Variants in FGF10 observed in about 807,000 individuals in gnomAD.
FGF10 encodes fibroblast growth factor 10.
Under a neutral mutation model 19.8 loss-of-function variants are expected in FGF10, and 2 were observed. The observed-to-expected ratio is 0.10, with a 90% CI of 0.04 to 0.32. The LOEUF is 0.32. Ranked by LOEUF, FGF10 falls within the 10% of genes least tolerant of loss-of-function variation. The pLI, the probability that FGF10 is intolerant of heterozygous loss-of-function variation, is 1.00. For synonymous variants in FGF10, 112 were observed against 94.0 expected (o/e 1.19, Z -1.10); for missense variants, 191 against 246.3 (o/e 0.78, Z 1.50).
At chr5:44,346,811 A>G (rs997504695) in intron 1 of FGF10, among the ~76,000 whole-genome samples, 2 of 151,870 alleles carry the variant, frequency 1.3e-5, no homozygotes, top group African/African-American at 4.8e-5. Context: ...TATGACTAAT[A>G]ATATTGAGAA....
chr5:44,376,222 G>T (rs1283882230), intron 1 of FGF10, among the ~76,000 whole-genome samples: 2 of 151,770 alleles, frequency 1.3e-5, no homozygotes, highest in Non-Finnish European at 2.9e-5. Flanking sequence ...AAGATGCAGA[G>T]ACCAAGACCC....
chr5:44,357,233 C>CA (rs1351028186), intron 1 of FGF10, among the ~76,000 whole-genome samples: 3 of 151,354 alleles, frequency 2.0e-5, no homozygotes, highest in African/African-American at 7.3e-5. Flanking sequence ...GGGGCCATAC[C>CA]AGTGATCTAC....
At position 44,325,665 on chromosome 5, in the gene FGF10, C is replaced by G. The variant is rs143634748; in HGVS notation, c.326-15135G>C. Among the ~76,000 whole-genome samples, 1,244 of 146,416 alleles carry G rather than the reference C, an allele frequency of 8.5e-3. 18 individuals carry two copies. Among genetic ancestry groups the G allele is most frequent in the African/African-American group, 0.031 (1,205 of 39,476 alleles). On this transcript the variant is annotated intron_variant, in intron 1 of 2. Transcript: ENST00000264664. ...AAACCAAACACTGCATGTTCTCACT[C>G]ATAGGTGGGAATTGAACAATGAGAA...
rs996171581 is a variant in FGF10, at chr5:44,303,374, T to A, written c.*1621A>T. Among the ~76,000 whole-genome samples, 1 of 151,394 alleles carries A rather than the reference T, an allele frequency of 6.6e-6. No individual in the cohort carries two copies. The highest frequency in any genetic ancestry group is 2.1e-4 in the South Asian group (1 of 4,752). On this transcript the variant is annotated 3_prime_UTR_variant, in exon 3 of 3. Coordinates refer to ENST00000264664, the MANE Select transcript of FGF10 (RefSeq NM_004465.2). Reference sequence around the variant, plus strand: ...TTTAGTAAGACACATTTAGTGAGTCTTTTTTTTTGTACCAAAATACTGTGT... The same window carrying A: ...TTTAGTAAGACACATTTAGTGAGTCATTTTTTTTGTACCAAAATACTGTGT...
At chr5:44,366,335 T>G (rs1425035615) in intron 1 of FGF10, among the ~76,000 whole-genome samples, 2 of 151,844 alleles carry the variant, frequency 1.3e-5, no homozygotes, top group African/African-American at 4.8e-5. Context: ...AAATTTTTTT[T>G]AAAGGCATCC....
At position 44,305,050 on chromosome 5, in the gene FGF10, T is replaced by C; in HGVS notation, c.572A>G (p.Lys191Arg). Residue 191 changes from lysine to arginine, a missense_variant, in exon 3 of 3, where the codon AAA becomes AGA. Lys to Arg is a conservative substitution (Grantham distance 26). This residue lies in a region of FGF10 where 99 missense variants were observed against 161.7 expected (regional missense o/e 0.61). Transcript: ENST00000264664. ...NGKGAPRRGQ[K>R]TRRKNTSAHF... is the part of the protein sequence containing the mutation. ...AGCAGAGGTGTTTTTCCTTCGTGTT[T>C]TCTGTCCTCTCCTTGGAGCTCCTTT... 6.2e-7 allele frequency: 1 copy of C among 1,614,012 alleles called. No homozygotes were observed. Among genetic ancestry groups the C allele is most frequent in the Non-Finnish European group, 8.5e-7 (1 of 1,179,912 alleles).
intron 1 of FGF10, among the ~76,000 whole-genome samples, chr5:44,353,382 G>A (rs1198150935): frequency 6.6e-6 from 1 of 151,370 alleles, no homozygotes; most frequent in Non-Finnish European, 1.5e-5. Flanking sequence ...CAATAAGCTT[G>A]GAGCTAAATG....
At chr5:44,378,343 T>C (rs890335992) in intron 1 of FGF10, among the ~76,000 whole-genome samples, 1 of 152,212 alleles carries the variant, frequency 6.6e-6, no homozygotes, top group Non-Finnish European at 1.5e-5. Context: ...GCTCAATCTG[T>C]TTCTTCTACC....
Position 44,303,866 on chromosome 5 carries a change from G to C in FGF10, c.*1129C>G, listed in dbSNP as rs911866866. On this transcript the variant is annotated 3_prime_UTR_variant, in exon 3 of 3. Coordinates refer to ENST00000264664, the MANE Select transcript of FGF10 (RefSeq NM_004465.2). ...AGATGCATTATGTGGAATTTACAGA[G>C]GGTTTTTAGAGATGTGGACAGCCTC... 1 of 152,288 alleles carries C rather than the reference G, an allele frequency of 6.6e-6. No homozygotes were observed. The highest frequency in any genetic ancestry group is 1.9e-4 in the East Asian group (1 of 5,180). The allele number at this position is 152,288 out of a possible 1,614,324, so 9.4% of individuals were successfully genotyped here.
intron 1 of FGF10, among the ~76,000 whole-genome samples, chr5:44,319,326 A>C (rs1740428058): frequency 6.6e-6 from 1 of 152,196 alleles, no homozygotes; most frequent in Non-Finnish European, 1.5e-5. Context: ...ATTGCTATAA[A>C]CTGTCTACCA....
rs1236595674 is a variant in FGF10 at position 44,303,392 on chromosome 5, T to C, written c.*1603A>G. Among the ~76,000 whole-genome samples, 2 of 152,130 alleles carry C rather than the reference T, an allele frequency of 1.3e-5. No homozygotes were observed. Among genetic ancestry groups the C allele is most frequent in the African/African-American group, 4.8e-5 (2 of 41,450 alleles). ...GTGAGTCTTTTTTTTTGTACCAAAA[T>C]ACTGTGTCCAAACAATAAAATGCTT... On this transcript the variant is annotated 3_prime_UTR_variant, in exon 3 of 3. Coordinates refer to ENST00000264664, the MANE Select transcript of FGF10 (RefSeq NM_004465.2).
chr5:44,314,266 C>A (rs1226252794), intron 1 of FGF10, among the ~76,000 whole-genome samples: 1 of 152,054 alleles, frequency 6.6e-6, no homozygotes, highest in Non-Finnish European at 1.5e-5. Flanking sequence ...GATAATGAGA[C>A]TCAGTTTAGT....
chr5:44,315,455 G>C (rs934995836), intron 1 of FGF10, among the ~76,000 whole-genome samples: 1 of 152,184 alleles, frequency 6.6e-6, no homozygotes, highest in East Asian at 1.9e-4. Context: ...GGCACTTTGA[G>C]GTGGCCACTA....
chr5:44,306,654 G>A (rs993663781), intron 2 of FGF10, among the ~76,000 whole-genome samples: 26 of 152,066 alleles, frequency 1.7e-4, no homozygotes, highest in African/African-American at 6.3e-4. Flanking sequence ...GGTGTCTGTA[G>A]GATTTATCAC....
rs1470859941 is a variant in FGF10 at position 44,304,063 on chromosome 5, G to A, written c.*932C>T. ...TATTTCTTGAGACAGGAAGCCTCGAGAGTAATATATGTTTTCAAATGATAG... is the reference window on the plus strand; with the variant it reads ...TATTTCTTGAGACAGGAAGCCTCGAAAGTAATATATGTTTTCAAATGATAG... On this transcript the variant is annotated 3_prime_UTR_variant, in exon 3 of 3. Transcript: ENST00000264664. 6.6e-6 allele frequency: 1 copy of A among 152,090 alleles called. No homozygotes were observed. Among genetic ancestry groups the A allele is most frequent in the Admixed American group, 6.6e-5 (1 of 15,256 alleles). The allele number at this position is 152,090 out of a possible 1,614,324, so 9.4% of individuals were successfully genotyped here.
Position 44,376,595 on chromosome 5 carries a change from C to A in FGF10, c.325+11763G>T, listed in dbSNP as rs534496239. Among the ~76,000 whole-genome samples, 37 of 144,292 alleles carry A rather than the reference C, an allele frequency of 2.6e-4. 1 individual carries two copies. The highest frequency in any genetic ancestry group is 9.3e-4 in the African/African-American group (37 of 39,988). 94.7% of individuals were successfully genotyped at this position (144,292 alleles called of 152,430 possible). On this transcript the variant is annotated intron_variant, in intron 1 of 2. Transcript: ENST00000264664. Reference sequence around the variant, plus strand: ...GGGGATTTGCTGGAAATTACAAAACCTCTTCACAGTGAAATATACATATTA... The same window carrying A: ...GGGGATTTGCTGGAAATTACAAAACATCTTCACAGTGAAATATACATATTA...
rs562776064 is a variant in FGF10, at chr5:44,337,918, C to T, written c.326-27388G>A. Reference sequence around the variant, plus strand: ...TTGTGCCACTGCACTCCAGCCTGGGCGACACAGCGAGACTCTGTCTCAGAA... The same window carrying T: ...TTGTGCCACTGCACTCCAGCCTGGGTGACACAGCGAGACTCTGTCTCAGAA... On this transcript the variant is annotated intron_variant, in intron 1 of 2. Coordinates refer to ENST00000264664, the MANE Select transcript of FGF10 (RefSeq NM_004465.2). Among the ~76,000 whole-genome samples the T allele has an allele frequency of 2.8e-4, 43 of 151,676 alleles. No homozygotes were observed. In the East Asian group the frequency reaches 3.9e-3, roughly 14 times the overall value.
intron 2 of FGF10, among the ~76,000 whole-genome samples, chr5:44,306,591 T>G (rs922473797): frequency 6.6e-6 from 1 of 152,240 alleles, no homozygotes; most frequent in East Asian, 1.9e-4. Context: ...TGAGACTTTT[T>G]GAAATTTCTA....
intron 1 of FGF10, among the ~76,000 whole-genome samples, chr5:44,333,103 C>CT (rs1740773706): frequency 1.4e-5 from 2 of 146,400 alleles, no homozygotes; most frequent in African/African-American, 5.5e-5. Context: ...GAAGTCCTGA[C>CT]CCCCCCCAAA....
Sources: allele counts gnomAD v4.1 joint callset (sites outside exome capture counted in the v4.1 genomes callset), GRCh38; gene constraint gnomAD v4.1.1; regional missense constraint gnomAD v4.1.1; transcripts MANE v1.5; gene names NCBI Gene and HGNC (gene_info 2026-07-23, HGNC 2026-07-21).